EIF3M: variants seen among roughly 807,000 people sequenced by gnomAD.
EIF3M encodes the protein B5 receptor.
EIF3M carries 25 observed loss-of-function variants against 49.7 expected under a neutral mutation model. That is an observed-to-expected ratio of 0.50 (90% CI 0.37 to 0.70). The LOEUF (loss-of-function observed/expected upper bound fraction) is 0.70, where lower values mean the gene tolerates loss of function less well. Ranked by LOEUF, EIF3M falls within the 30% of genes least tolerant of loss-of-function variation. The probability of loss-of-function intolerance (pLI) is 0.00; values close to 1 mark genes in which losing one functional copy is unlikely to be tolerated. For missense variants in EIF3M, 350 were observed against 440.0 expected (o/e 0.80, Z 1.83); for synonymous variants, 156 against 149.8 (o/e 1.04, Z -0.30).
Position 32,583,831 on chromosome 11 carries a change from C to G in EIF3M, c.-57C>G. 2 of 1,593,174 alleles carry G rather than the reference C, an allele frequency of 1.3e-6. No homozygotes were observed. The highest frequency in any genetic ancestry group is 1.1e-5 in the South Asian group (1 of 89,690). ...CAGCAGCGTCGCGCGGCCCAGTTCC[C>G]TTTTCCGGTCGGCGTGGTCTTGCGA... is the stretch of plus-strand genomic sequence containing the variant. On this transcript the variant is annotated 5_prime_UTR_variant, in exon 1 of 11. Transcript: ENST00000531120.
chr11:32,588,628 A>G lies in EIF3M; in HGVS notation c.210A>G (p.Leu70=), dbSNP rs1453242309. The change falls in exon 3 of 11, where the codon CTA becomes CTG. Residue 70 remains leucine (L), a synonymous_variant. Transcript: ENST00000531120. ...GTGTGATGAACAGTGTGGTATCCCTACTCTTGATCCTGGAACCAGACAAGC... is the reference window on the plus strand; with the variant it reads ...GTGTGATGAACAGTGTGGTATCCCTGCTCTTGATCCTGGAACCAGACAAGC... The part of the protein sequence containing the change: ...VESVMNSVVS[L]LLILEPDKQE... The G allele has an allele frequency of 3.1e-6, 5 of 1,614,052 alleles. No homozygotes were observed. In the Admixed American group the frequency reaches 5.0e-5, roughly 16 times the overall value.
chr11:32,593,110 C>T (rs557721088), intron 5 of EIF3M, among the ~76,000 whole-genome samples: 6 of 152,230 alleles, frequency 3.9e-5, no homozygotes, highest in Non-Finnish European at 7.4e-5. Context: ...TTTGCCCAGG[C>T]TAAACTCAGA....
chr11:32,584,992 A>G (rs1260553338), intron 1 of EIF3M, among the ~76,000 whole-genome samples: 1 of 152,240 alleles, frequency 6.6e-6, no homozygotes, highest in African/African-American at 2.4e-5. Flanking sequence ...CTCCACTAAC[A>G]CGGAAGTAAC....
intron 2 of EIF3M, among the ~76,000 whole-genome samples, chr11:32,588,388 GA>G (rs71463359): frequency 0.026 from 2,450 of 92,880 alleles, 25 homozygotes; most frequent in African/African-American, 0.085. Context: ...GACTTCATCT[GA>G]AAAAAAAAAA....
chr11:32,596,084 G>A (rs1855173341), intron 8 of EIF3M, 37 bp downstream of exon 8: 1 of 1,457,534 alleles, frequency 6.9e-7, no homozygotes. Context: ...GCACAGAGGT[G>A]GGAACATGAT....
At chr11:32,589,883 T>TG (rs1855073507) in intron 5 of EIF3M, among the ~76,000 whole-genome samples, 1 of 152,158 alleles carries the variant, frequency 6.6e-6, no homozygotes. Context: ...AAAAGAAAGG[T>TG]GGGGCCTTTC....
chr11:32,592,701 G>T, intron 5 of EIF3M: 1 of 508,644 alleles, frequency 2.0e-6, no homozygotes, highest in Non-Finnish European at 3.9e-6. Flanking sequence ...ACCATCTCTA[G>T]TTTCAAAGCT....
intron 5 of EIF3M, among the ~76,000 whole-genome samples, chr11:32,589,965 T>A (rs1444938741): frequency 6.6e-6 from 1 of 152,186 alleles, no homozygotes; most frequent in Non-Finnish European, 1.5e-5. Context: ...CATTTTTGGA[T>A]GGTGCAGTGG....
chr11:32,592,747 G>A, intron 5 of EIF3M: 1 of 487,526 alleles, frequency 2.1e-6, no homozygotes, highest in Non-Finnish European at 4.0e-6. Flanking sequence ...TAGCTGCTCT[G>A]GCTCCTTTGG....
chr11:32,583,860 G>T lies in EIF3M; in HGVS notation c.-28G>T. ...TCCGGTCGGCGTGGTCTTGCGAGTG[G>T]AGTGTCCGCTGTGCCCGGGCCTGCA... On this transcript the variant is annotated 5_prime_UTR_variant, in exon 1 of 11. Coordinates refer to ENST00000531120, the MANE Select transcript of EIF3M (RefSeq NM_006360.6). 1 of 1,610,878 alleles carries T rather than the reference G, an allele frequency of 6.2e-7. No individual in the cohort carries two copies. The highest frequency in any genetic ancestry group is 1.1e-5 in the South Asian group (1 of 90,738).
At position 32,596,911 on chromosome 11, in the gene EIF3M, CA is replaced by C. The variant is rs76116503; in HGVS notation, c.799+874del. Among the ~76,000 whole-genome samples, 150 of 146,796 alleles carry C rather than the reference CA, an allele frequency of 1.0e-3. 5 individuals are homozygous for C. The South Asian group carries it at 0.027, about 26-fold the overall frequency. On this transcript the variant is annotated intron_variant, in intron 8 of 10. Transcript: ENST00000531120. ...CAGAGTGAGGCTCCATCTCAAAAAA[CA>C]AAAAAAAAAGAGAGAGAAAATGACT...
chr11:32,602,830 T>C lies in EIF3M; in HGVS notation c.*431T>C, dbSNP rs1392107906. On this transcript the variant is annotated 3_prime_UTR_variant, in exon 11 of 11. Transcript: ENST00000531120. Reference sequence around the variant, plus strand: ...TCTACATTATTTTAATCTGTTGTTTTTTTCCAACGTCTCTTCTGCTTTTCT... The same window carrying C: ...TCTACATTATTTTAATCTGTTGTTTCTTTCCAACGTCTCTTCTGCTTTTCT... 1 of 1,597,788 alleles carries C rather than the reference T, an allele frequency of 6.3e-7. No homozygotes were observed. The highest frequency in any genetic ancestry group is 1.8e-5 in the Admixed American group (1 of 57,018).
chr11:32,584,389 C>G (rs998907870), intron 1 of EIF3M: 1 of 168,422 alleles, frequency 5.9e-6, no homozygotes, highest in Non-Finnish European at 1.3e-5. Context: ...GGGCAGATCA[C>G]GAGGTCAGGA....
chr11:32,595,489 C>T (rs1251091598), intron 7 of EIF3M, among the ~76,000 whole-genome samples: 1 of 152,220 alleles, frequency 6.6e-6, no homozygotes, highest in Non-Finnish European at 1.5e-5. Flanking sequence ...CCCACTTCGG[C>T]CTCCCAGAGT....
intron 9 of EIF3M, chr11:32,601,226 A>G (rs955465174): frequency 6.4e-6 from 1 of 156,844 alleles, no homozygotes; most frequent in South Asian, 2.0e-4. Flanking sequence ...TGATCTTTCA[A>G]GTGTTAACCA....
At position 32,604,329 on chromosome 11, in the gene EIF3M, CTT is replaced by C. The variant is rs1363757082; in HGVS notation, c.*1931_*1932del. 3 of 152,148 alleles carry C rather than the reference CTT, an allele frequency of 2.0e-5. No homozygotes were observed. Among genetic ancestry groups the C allele is most frequent in the African/African-American group, 7.2e-5 (3 of 41,406 alleles). 9.4% of individuals were successfully genotyped at this position (152,148 alleles called of 1,614,324 possible). On this transcript the variant is annotated 3_prime_UTR_variant, in exon 11 of 11. Coordinates refer to ENST00000531120, the MANE Select transcript of EIF3M (RefSeq NM_006360.6). ...TGCCATGTTGCCCAGGCTGGTCTCTCTTAACTCTTGGGCTCAAGTGATCTGAC... is the reference window on the plus strand; with the variant it reads ...TGCCATGTTGCCCAGGCTGGTCTCTCAACTCTTGGGCTCAAGTGATCTGAC...
At position 32,584,071 on chromosome 11, in the gene EIF3M, G is replaced by T. The variant is rs1432200770; in HGVS notation, c.42+142G>T. The T allele has an allele frequency of 5.2e-6, 6 of 1,160,608 alleles. No homozygotes were observed. The Admixed American group carries it at 1.2e-4, about 23-fold the overall frequency. The allele number at this position is 1,160,608 out of a possible 1,614,324, so 71.9% of individuals were successfully genotyped here. ...CGCGAGAATGGGGAGGCCGGTGGCT[G>T]GGGCGCGCGTTCCTGGCCTCGATTC... On this transcript the variant is annotated intron_variant, in intron 1 of 10. Coordinates refer to ENST00000531120, the MANE Select transcript of EIF3M (RefSeq NM_006360.6).
In EIF3M at chr11:32,604,088, CAAAA is replaced by C. The variant is rs1855313543; in HGVS notation, c.*1690_*1693del. The C allele has an allele frequency of 6.6e-6, 1 of 152,102 alleles. No homozygotes were observed. The highest frequency in any genetic ancestry group is 1.5e-5 in the Non-Finnish European group (1 of 68,014). The allele number at this position is 152,102 out of a possible 1,614,324, so 9.4% of individuals were successfully genotyped here. On this transcript the variant is annotated 3_prime_UTR_variant, in exon 11 of 11. Coordinates refer to ENST00000531120, the MANE Select transcript of EIF3M (RefSeq NM_006360.6). The stretch of plus-strand genomic sequence containing the variant: ...TCTCAAAAATAAATAATAGATAAAA[CAAAA>C]GGAATACTGAATTGTTTTCAAAATA...
At chr11:32,597,096 T>A (rs1240447029) in intron 8 of EIF3M, among the ~76,000 whole-genome samples, 1 of 152,120 alleles carries the variant, frequency 6.6e-6, no homozygotes, top group Non-Finnish European at 1.5e-5. Flanking sequence ...AATTTAGAGA[T>A]GGAGGAGTGA....
Sources: gnomAD v4.1 joint callset for allele counts (sites outside exome capture counted in the v4.1 genomes callset) on GRCh38, gnomAD v4.1.1 for gene constraint, MANE v1.5 for transcripts, NCBI Gene and HGNC (gene_info 2026-07-23, HGNC 2026-07-21) for gene names.